The following CUX1 variants were observed in gnomAD, a reference collection of about 807,000 sequenced individuals.
The protein encoded by CUX1 is protein CASP.
CUX1 carries 31 observed loss-of-function variants against 158.8 expected under a neutral mutation model. The observed-to-expected ratio is 0.20, with a 90% CI of 0.15 to 0.26. CUX1 has a LOEUF of 0.26. CUX1 is among the 10% of genes least tolerant of loss of function. The pLI is 1.00. For synonymous variants in CUX1, 879 were observed against 862.1 expected (o/e 1.02, Z -0.34); for missense variants, 1,589 against 2,014.6 (o/e 0.79, Z 4.04).
chr7:101,839,133 T>C (rs2970464), intron 1 of CUX1, among the ~76,000 whole-genome samples: 27,056 of 152,166 alleles, frequency 0.18, 2,574 homozygotes, highest in African/African-American at 0.23. Flanking sequence ...ATCTCATCCT[T>C]ACGACCTTCC....
intron 3 of CUX1, among the ~76,000 whole-genome samples, chr7:102,058,580 G>T (rs1187728247): frequency 6.6e-6 from 1 of 152,144 alleles, no homozygotes; most frequent in Non-Finnish European, 1.5e-5. Flanking sequence ...ACCGTACCTG[G>T]TCTGTTTTTA....
At chr7:102,073,532 A>G (rs910686493) in intron 4 of CUX1, among the ~76,000 whole-genome samples, 15 of 151,968 alleles carry the variant, frequency 9.9e-5, no homozygotes, top group Admixed American at 3.3e-4. Flanking sequence ...TTGTACCTCA[A>G]TTTTTCCCTA....
intron 3 of CUX1, among the ~76,000 whole-genome samples, chr7:102,041,096 G>T (rs982421766): frequency 6.6e-6 from 1 of 151,354 alleles, no homozygotes; most frequent in Non-Finnish European, 1.5e-5. Flanking sequence ...AGACCAGCCT[G>T]GCCAACATAG....
At chr7:101,887,491 T>G (rs982347254) in intron 1 of CUX1, among the ~76,000 whole-genome samples, 4 of 152,056 alleles carry the variant, frequency 2.6e-5, no homozygotes, top group Non-Finnish European at 5.9e-5. Context: ...TTTATTTTTT[T>G]AGAGATAGGG....
chr7:101,912,409 C>G (rs1025305815), intron 1 of CUX1, among the ~76,000 whole-genome samples: 2 of 152,178 alleles, frequency 1.3e-5, no homozygotes, highest in Non-Finnish European at 2.9e-5. Flanking sequence ...GGTGGACACA[C>G]AGACCGTAAC....
rs536870075 is a variant in CUX1 at position 102,256,839 on chromosome 7, G to T, written c.*7797G>T. The T allele has an allele frequency of 1.9e-5, 19 of 985,436 alleles. No individual in the cohort carries two copies. In the African/African-American group the frequency reaches 3.0e-4, roughly 15 times the overall value. The allele number at this position is 985,436 out of a possible 1,614,324, so 61.0% of individuals were successfully genotyped here. A position where few individuals can be genotyped will look rare whatever the true frequency, so the allele number is the denominator to read the frequency against. On this transcript the variant is annotated 3_prime_UTR_variant, in exon 24 of 24. Transcript: ENST00000292535. ...GAGAGAGTGATTTCTTGCAAGGCCC[G>T]CATGGGTTGATACGTTTTGGTTGGT... is the stretch of plus-strand genomic sequence containing the variant.
intron 14 of CUX1, among the ~76,000 whole-genome samples, chr7:102,270,131 C>T (rs1791109289): frequency 2.0e-5 from 3 of 152,240 alleles, no homozygotes; most frequent in Admixed American, 2.0e-4. Context: ...TCGTGAAATT[C>T]ATAAAAGGCA....
chr7:102,214,207 A>G (rs1796822268), intron 20 of CUX1, among the ~76,000 whole-genome samples: 1 of 152,074 alleles, frequency 6.6e-6, no homozygotes, highest in Non-Finnish European at 1.5e-5. Context: ...GCTCAGAGAT[A>G]AAAGGTGATT....
At chr7:102,262,849 G>A (rs1161777391), downstream of CUX1, among the ~76,000 whole-genome samples, 1 of 152,140 alleles carries the variant, frequency 6.6e-6, no homozygotes, top group Non-Finnish European at 1.5e-5. Flanking sequence ...GCTGACCGTG[G>A]GCCGCTGCCT....
chr7:102,257,756 G>A lies in CUX1; in HGVS notation c.*8714G>A, dbSNP rs782731277. The A allele has an allele frequency of 1.4e-4, 137 of 984,530 alleles. No individual in the cohort carries two copies. The highest frequency in any genetic ancestry group is 1.6e-4 in the Non-Finnish European group (130 of 829,846). The allele number at this position is 984,530 out of a possible 1,614,324, so 61.0% of individuals were successfully genotyped here. A position where few individuals can be genotyped will look rare whatever the true frequency, so the allele number is the denominator to read the frequency against. On this transcript the variant is annotated 3_prime_UTR_variant, in exon 24 of 24. Coordinates refer to ENST00000292535, the MANE Select transcript of CUX1 (RefSeq NM_181552.4). ...TTTTGTCACGTCTTACATTTTAGCA[G>A]TATTTTATATTTTCTGTAACGCACC...
intron 1 of CUX1, among the ~76,000 whole-genome samples, chr7:101,914,176 CG>C (rs1803854206): frequency 6.6e-6 from 1 of 152,096 alleles, no homozygotes; most frequent in East Asian, 1.9e-4. Flanking sequence ...TTCTAGCCCA[CG>C]TTATTCCTTA....
At chr7:102,227,209 C>A (rs900243006) in intron 20 of CUX1, among the ~76,000 whole-genome samples, 158 bp from the exon 21 acceptor site, 2 of 151,920 alleles carry the variant, frequency 1.3e-5, no homozygotes, top group Non-Finnish European at 2.9e-5. Flanking sequence ...TACTCTCAGT[C>A]AAAAAAATAT....
intron 8 of CUX1, among the ~76,000 whole-genome samples, chr7:102,143,804 G>A (rs532428411): frequency 6.6e-5 from 10 of 151,562 alleles, no homozygotes; most frequent in South Asian, 4.2e-4. Flanking sequence ...TGTTTGAGAC[G>A]GAGTCTCAAT....
intron 2 of CUX1, among the ~76,000 whole-genome samples, chr7:101,934,499 T>C (rs1188527171): frequency 2.0e-5 from 3 of 152,240 alleles, no homozygotes; most frequent in Non-Finnish European, 4.4e-5. Context: ...TTATTGTTCC[T>C]TCTTCTTGGC....
intron 2 of CUX1, among the ~76,000 whole-genome samples, chr7:101,967,981 G>A (rs1585122528): frequency 6.6e-6 from 1 of 152,190 alleles, no homozygotes; most frequent in East Asian, 1.9e-4. Flanking sequence ...GTAGCTGCCT[G>A]CAGCCTCAAC....
chr7:102,207,862 T>C (rs1425148448), intron 20 of CUX1, among the ~76,000 whole-genome samples: 8 of 152,320 alleles, frequency 5.3e-5, no homozygotes, highest in African/African-American at 1.9e-4. Flanking sequence ...ATCATATGGT[T>C]TTCCTCGTCT....
intron 1 of CUX1, among the ~76,000 whole-genome samples, chr7:101,867,140 C>T (rs922073524): frequency 1.3e-5 from 2 of 152,058 alleles, no homozygotes; most frequent in Admixed American, 1.3e-4. Flanking sequence ...TGGCTTGAAC[C>T]TCGGAGGCGG....
intron 1 of CUX1, among the ~76,000 whole-genome samples, chr7:101,895,528 T>C (rs1801371745): frequency 6.6e-6 from 1 of 151,958 alleles, no homozygotes; most frequent in African/African-American, 2.4e-5. Context: ...GTGATGGGGG[T>C]GTTCTCACCT....
At chr7:102,112,038 C>G (rs1394695532) in intron 7 of CUX1, 1 of 335,780 alleles carries the variant, frequency 3.0e-6, no homozygotes, top group African/African-American at 2.1e-5. Flanking sequence ...GCTTCCTGCT[C>G]TTTTTCCAAC....
Sources: allele counts gnomAD v4.1 joint callset (sites outside exome capture counted in the v4.1 genomes callset), GRCh38; gene constraint gnomAD v4.1.1; transcripts MANE v1.5; gene names NCBI Gene and HGNC (gene_info 2026-07-23, HGNC 2026-07-21).